The following STXBP5L variants were observed in gnomAD, a reference collection of about 807,000 sequenced individuals.
STXBP5L encodes the protein syntaxin binding protein 5L, also known as syntaxin-binding protein 5-like.
STXBP5L carries 65 observed loss-of-function variants against 144.5 expected under a neutral mutation model. That is an observed-to-expected ratio of 0.45 (90% CI 0.37 to 0.55). The LOEUF is 0.55. STXBP5L is among the 20% of genes least tolerant of loss of function. STXBP5L has a pLI of 0.00. For synonymous variants in STXBP5L, 505 were observed against 469.6 expected (o/e 1.08, Z -0.97); for missense variants, 1,298 against 1,405.5 (o/e 0.92, Z 1.22).
At chr3:121,183,145 A>C (rs534419687) in intron 9 of STXBP5L, among the ~76,000 whole-genome samples, 5 of 152,332 alleles carry the variant, frequency 3.3e-5, no homozygotes, top group African/African-American at 1.2e-4. Context: ...ACATATGTCA[A>C]AGTAATAAAA....
At chr3:120,962,101 G>C (rs1259455726) in intron 3 of STXBP5L, among the ~76,000 whole-genome samples, 1 of 151,940 alleles carries the variant, frequency 6.6e-6, no homozygotes, top group Non-Finnish European at 1.5e-5. Context: ...CATATCATTT[G>C]CCCACTTTTC....
At chr3:121,381,613 T>G (rs1000403902) in intron 22 of STXBP5L, 81 bp downstream of exon 22, 17 of 1,536,474 alleles carry the variant, frequency 1.1e-5, no homozygotes, top group Middle Eastern at 1.7e-4. Flanking sequence ...AAATTTGTAT[T>G]GATTTGGAGC....
chr3:121,076,596 G>C (rs2042028256), intron 5 of STXBP5L, among the ~76,000 whole-genome samples: 1 of 152,020 alleles, frequency 6.6e-6, no homozygotes, highest in Admixed American at 6.5e-5. Context: ...TGCCCAGGCT[G>C]TTCTCCAAGC....
intron 18 of STXBP5L, among the ~76,000 whole-genome samples, chr3:121,268,928 T>C (rs2050657160): frequency 6.6e-6 from 1 of 152,182 alleles, no homozygotes; most frequent in African/African-American, 2.4e-5. Context: ...TCATTATCAT[T>C]TAGTAGTATG....
At chr3:121,381,200 C>T (rs2046314107) in intron 21 of STXBP5L, 93 bp from the exon 22 acceptor site, 2 of 1,264,390 alleles carry the variant, frequency 1.6e-6, no homozygotes, top group Non-Finnish European at 2.2e-6. Flanking sequence ...ATTTTACTTC[C>T]TCCTCATAAT....
At chr3:121,062,484 A>T (rs2041332198) in intron 5 of STXBP5L, among the ~76,000 whole-genome samples, 1 of 151,900 alleles carries the variant, frequency 6.6e-6, no homozygotes, top group South Asian at 2.1e-4. Flanking sequence ...GTGTCTTGGG[A>T]TTGCTTTTCT....
intron 7 of STXBP5L, among the ~76,000 whole-genome samples, chr3:121,132,392 T>C (rs542138052): frequency 1.3e-5 from 2 of 152,298 alleles, no homozygotes; most frequent in South Asian, 4.1e-4. Flanking sequence ...TGGCTTGAGC[T>C]GGTAGATGCC....
intron 3 of STXBP5L, among the ~76,000 whole-genome samples, chr3:121,016,721 A>G (rs1214629760): frequency 6.6e-6 from 1 of 152,220 alleles, no homozygotes; most frequent in African/African-American, 2.4e-5. Flanking sequence ...GACATAATGT[A>G]GCAAACTCAC....
At chr3:121,299,688 C>T (rs554789873) in intron 19 of STXBP5L, among the ~76,000 whole-genome samples, 2 of 151,916 alleles carry the variant, frequency 1.3e-5, no homozygotes, top group East Asian at 3.9e-4. Flanking sequence ...ACACCCTAAA[C>T]TAGAAAAATA....
chr3:121,000,581 C>A (rs1368413274), intron 3 of STXBP5L, among the ~76,000 whole-genome samples: 1 of 152,134 alleles, frequency 6.6e-6, no homozygotes, highest in Admixed American at 6.6e-5. Context: ...TGATCATTGC[C>A]ATTGCCATCC....
chr3:121,230,749 G>A (rs2108309138), intron 11 of STXBP5L, among the ~76,000 whole-genome samples: 1 of 152,162 alleles, frequency 6.6e-6, no homozygotes, highest in South Asian at 2.1e-4. Context: ...CATATGTCAG[G>A]CATAACTCAC....
chr3:121,025,051 A>G (rs892034009), intron 3 of STXBP5L, among the ~76,000 whole-genome samples: 22 of 152,180 alleles, frequency 1.4e-4, no homozygotes, highest in Non-Finnish European at 5.9e-5. Context: ...AAGGCACTAA[A>G]TCACCTTGGC....
intron 7 of STXBP5L, among the ~76,000 whole-genome samples, chr3:121,129,484 G>A (rs1044352089): frequency 6.6e-5 from 10 of 151,754 alleles, no homozygotes; most frequent in Non-Finnish European, 4.4e-5. Flanking sequence ...AAATAACCAG[G>A]TGACAGTCCC....
chr3:121,386,687 G>A (rs556518986), intron 22 of STXBP5L, among the ~76,000 whole-genome samples: 40 of 152,256 alleles, frequency 2.6e-4, no homozygotes, highest in South Asian at 1.7e-3. Flanking sequence ...AGTTTGCTGA[G>A]AATGATGGTT....
chr3:121,126,719 A>G (rs780099760), intron 7 of STXBP5L, among the ~76,000 whole-genome samples: 1 of 152,206 alleles, frequency 6.6e-6, no homozygotes, highest in Non-Finnish European at 1.5e-5. Context: ...GCTTAAAACA[A>G]AACAATTTAT....
chr3:121,313,964 G>C (rs1247074082), intron 19 of STXBP5L, among the ~76,000 whole-genome samples: 3 of 150,810 alleles, frequency 2.0e-5, no homozygotes, highest in Admixed American at 1.3e-4. Context: ...AGACAGGGCG[G>C]TGGGGCAGAG....
chr3:121,007,664 A>C (rs867438745), intron 3 of STXBP5L, among the ~76,000 whole-genome samples: 1 of 152,026 alleles, frequency 6.6e-6, no homozygotes, highest in Admixed American at 6.6e-5. Flanking sequence ...ATTATTCACT[A>C]GTACTTCTGA....
intron 22 of STXBP5L, among the ~76,000 whole-genome samples, chr3:121,397,860 C>T (rs1434214482): frequency 6.6e-6 from 1 of 152,236 alleles, no homozygotes. Context: ...TTTACCAACT[C>T]CAACTATGTT....
intron 5 of STXBP5L, among the ~76,000 whole-genome samples, chr3:121,050,738 TA>T (rs1947907169): frequency 6.6e-6 from 1 of 152,150 alleles, no homozygotes; most frequent in South Asian, 2.1e-4. Flanking sequence ...ATAACAATAT[TA>T]ACTTTCAATA....
Sources: allele counts gnomAD v4.1 joint callset (sites outside exome capture counted in the v4.1 genomes callset), GRCh38; gene constraint gnomAD v4.1.1; transcripts MANE v1.5; gene names NCBI Gene and HGNC (gene_info 2026-07-23, HGNC 2026-07-21).